The following GRIK2 variants were observed in gnomAD, a reference collection of about 807,000 sequenced individuals.
GRIK2 encodes the protein glutamate ionotropic receptor kainate type subunit 2.
Under a neutral mutation model 100.3 loss-of-function variants are expected in GRIK2, and 32 were observed. The ratio of observed to expected loss-of-function variants is 0.32; its 90% confidence interval spans 0.24 to 0.43. GRIK2 has a LOEUF of 0.43. Ranked by LOEUF, GRIK2 falls within the 20% of genes least tolerant of loss-of-function variation. The pLI is 1.00. For missense variants in GRIK2, 843 were observed against 1,114.9 expected, an observed-to-expected ratio of 0.76 and a Z score of 3.47; for synonymous variants, 417 against 389.4, an observed-to-expected ratio of 1.07 and a Z score of -0.83.
intron 14 of GRIK2, among the ~76,000 whole-genome samples, chr6:101,935,539 G>C (rs892635934): frequency 6.6e-6 from 1 of 151,838 alleles, no homozygotes; most frequent in Non-Finnish European, 1.5e-5. Flanking sequence ...TTGTACATGA[G>C]ACTTTGTGTT....
intron 7 of GRIK2, among the ~76,000 whole-genome samples, chr6:101,693,436 G>GA (rs556487300): frequency 1.6e-3 from 219 of 140,652 alleles, no homozygotes; most frequent in Middle Eastern, 3.5e-3. Flanking sequence ...ATGTAGGGGA[G>GA]AAAAAAAAAA....
At position 101,518,143 on chromosome 6, in the gene GRIK2, T is replaced by C. The variant is rs532194222; in HGVS notation, c.116-103806T>C. Among the ~76,000 whole-genome samples the C allele has an allele frequency of 2.6e-5, 4 of 152,276 alleles. No homozygotes were observed. In the East Asian group the frequency reaches 7.7e-4, roughly 29 times the overall value. ...TTAAAATTGTAAGATGGAGCATTTA[T>C]TGGAATGCGTTTTGTTTAAGACTAA... On this transcript the variant is annotated intron_variant, in intron 2 of 16. Transcript: ENST00000369134.
intron 7 of GRIK2, among the ~76,000 whole-genome samples, chr6:101,761,093 C>T (rs1335983875): frequency 1.3e-5 from 2 of 152,226 alleles, no homozygotes; most frequent in Non-Finnish European, 1.5e-5. Flanking sequence ...TGAGTGTCCT[C>T]TTTTGACTCC....
chr6:102,005,427 G>A (rs554772193), intron 14 of GRIK2, among the ~76,000 whole-genome samples: 6 of 151,998 alleles, frequency 3.9e-5, no homozygotes, highest in Admixed American at 6.6e-5. Context: ...AAATGCCAGA[G>A]TCCAATCATT....
At chr6:101,942,864 A>G (rs750383377) in intron 14 of GRIK2, among the ~76,000 whole-genome samples, 2 of 152,200 alleles carry the variant, frequency 1.3e-5, no homozygotes, top group African/African-American at 4.8e-5. Context: ...AGAAAAATTC[A>G]TTTTCTGAGG....
chr6:101,707,777 A>T (rs558327626), intron 7 of GRIK2, among the ~76,000 whole-genome samples: 4 of 151,546 alleles, frequency 2.6e-5, no homozygotes, highest in Admixed American at 6.6e-5. Context: ...ATAGTCTTTG[A>T]TTCTCACCAA....
At chr6:101,576,679 C>A (rs759576270) in intron 2 of GRIK2, among the ~76,000 whole-genome samples, 5 of 151,838 alleles carry the variant, frequency 3.3e-5, no homozygotes, top group Non-Finnish European at 7.4e-5. Context: ...TATTTTTCTA[C>A]CAGAATCAAA....
chr6:101,978,239 CAGGGG>C (rs1160714320), intron 14 of GRIK2, among the ~76,000 whole-genome samples: 25 of 151,860 alleles, frequency 1.6e-4, no homozygotes, highest in African/African-American at 5.8e-4. Flanking sequence ...AGATTAAAGG[CAGGGG>C]AGTGGTCTCT....
intron 7 of GRIK2, among the ~76,000 whole-genome samples, chr6:101,796,875 T>C (rs1244816751): frequency 6.6e-6 from 1 of 152,112 alleles, no homozygotes; most frequent in African/African-American, 2.4e-5. Context: ...TAATATTATC[T>C]AATTTTTATA....
chr6:101,518,993 G>T (rs1467639014), intron 2 of GRIK2, among the ~76,000 whole-genome samples: 1 of 152,132 alleles, frequency 6.6e-6, no homozygotes, highest in Non-Finnish European at 1.5e-5. Context: ...GGAAAACTTG[G>T]CAAGACATGT....
chr6:101,828,584 T>C (rs1170026392), intron 10 of GRIK2, among the ~76,000 whole-genome samples: 2 of 151,692 alleles, frequency 1.3e-5, no homozygotes, highest in African/African-American at 4.8e-5. Context: ...ACACAACATA[T>C]GTGATATTAC....
chr6:101,508,884 G>T (rs1274643917), intron 2 of GRIK2, among the ~76,000 whole-genome samples: 4 of 152,104 alleles, frequency 2.6e-5, no homozygotes, highest in Non-Finnish European at 5.9e-5. Flanking sequence ...GGCTGGGCGT[G>T]GTGGCTCACG....
intron 2 of GRIK2, among the ~76,000 whole-genome samples, chr6:101,421,837 C>T (rs978560219): frequency 3.3e-5 from 5 of 152,056 alleles, no homozygotes; most frequent in African/African-American, 1.2e-4. Context: ...ATCTCAAGTA[C>T]GTGAGCATCA....
intron 11 of GRIK2, among the ~76,000 whole-genome samples, chr6:101,869,518 T>C (rs1352395291): frequency 5.3e-5 from 8 of 151,898 alleles, no homozygotes; most frequent in Non-Finnish European, 1.2e-4. Flanking sequence ...AACTGGAGTT[T>C]ATTTTTTACG....
intron 12 of GRIK2, among the ~76,000 whole-genome samples, chr6:101,909,008 A>T (rs1407199118): frequency 6.6e-6 from 1 of 151,332 alleles, no homozygotes; most frequent in Non-Finnish European, 1.5e-5. Context: ...TAGAAATTAA[A>T]GGATTCTCTT....
At chr6:101,929,037 A>G (rs756824834) in intron 14 of GRIK2, among the ~76,000 whole-genome samples, 5 of 152,186 alleles carry the variant, frequency 3.3e-5, no homozygotes, top group Admixed American at 1.3e-4. Context: ...ACGTACATTT[A>G]CTTTTGTTGA....
chr6:101,821,800 T>C (rs1781966066), intron 10 of GRIK2, among the ~76,000 whole-genome samples: 1 of 152,114 alleles, frequency 6.6e-6, no homozygotes, highest in South Asian at 2.1e-4. Context: ...TTTGGAGAAA[T>C]TATGATTTTT....
At chr6:102,033,109 A>C (rs996182778) in intron 14 of GRIK2, among the ~76,000 whole-genome samples, 1 of 151,336 alleles carries the variant, frequency 6.6e-6, no homozygotes, top group African/African-American at 2.4e-5. Flanking sequence ...AAGGGGTACA[A>C]AAATACCTAC....
rs560990060 is a variant in GRIK2 at position 102,002,290 on chromosome 6, A to G, written c.2086-33051A>G. Among the ~76,000 whole-genome samples the G allele has an allele frequency of 3.6e-4, 53 of 147,590 alleles. 1 individual carries two copies. Among genetic ancestry groups the G allele is most frequent in the African/African-American group, 1.2e-3 (47 of 40,664 alleles). ...TGTGTGTATGTATGTGTGTGTATATATGTGTGTGTGTGTGTATATATATAC... is the reference window on the plus strand; with the variant it reads ...TGTGTGTATGTATGTGTGTGTATATGTGTGTGTGTGTGTGTATATATATAC... On this transcript the variant is annotated intron_variant, in intron 14 of 16. Transcript: ENST00000369134.
Sources: allele counts gnomAD v4.1 joint callset (sites outside exome capture counted in the v4.1 genomes callset), GRCh38; gene constraint gnomAD v4.1.1; transcripts MANE v1.5; gene names NCBI Gene and HGNC (gene_info 2026-07-23, HGNC 2026-07-21).